Variants in PPP2R2D observed in about 807,000 individuals in gnomAD.
PPP2R2D encodes the protein protein phosphatase 2 regulatory subunit Bdelta.
In PPP2R2D, 9 loss-of-function variants were observed where a neutral mutation model predicts 31.1. The observed-to-expected ratio is 0.29, with a 90% CI of 0.17 to 0.51. The LOEUF (loss-of-function observed/expected upper bound fraction) is 0.51, where lower values mean the gene tolerates loss of function less well. PPP2R2D is among the 20% of genes least tolerant of loss of function. PPP2R2D has a pLI of 0.98. For synonymous variants in PPP2R2D, 179 were observed against 172.6 expected, an observed-to-expected ratio of 1.04 and a Z score of -0.29; for missense variants, 391 against 465.6, an observed-to-expected ratio of 0.84 and a Z score of 1.48.
the PPP2R2D span, chr10:131,970,865 T>TG: frequency 1.9e-6 from 3 of 1,614,206 alleles, no homozygotes; most frequent in Non-Finnish European, 2.5e-6. The surrounding 1 kb of genome is among the most constrained non-coding windows in gnomAD (Gnocchi z 4.1). Context: ...CACACTCACT[T>TG]GGGGGGAATA....
chr10:131,953,154 C>T (rs2036714633), intron 8 of PPP2R2D, among the ~76,000 whole-genome samples: 1 of 108,886 alleles, frequency 9.2e-6, no homozygotes. Context: ...CGGGGGTTCA[C>T]TGTCTTAGTG....
chr10:131,932,583 C>T (rs566674477), intron 2 of PPP2R2D, among the ~76,000 whole-genome samples: 2 of 139,938 alleles, frequency 1.4e-5, no homozygotes, highest in Admixed American at 7.9e-5. Flanking sequence ...ATGAGAATCA[C>T]TTGCACCCTG....
At chr10:131,929,710 C>T (rs1040236452) in intron 2 of PPP2R2D, among the ~76,000 whole-genome samples, 6 of 152,088 alleles carry the variant, frequency 3.9e-5, no homozygotes, top group East Asian at 1.9e-4. Flanking sequence ...CCTCCCTCCC[C>T]GCCACCACCG....
At chr10:131,926,522 A>T (rs1460959596) in intron 2 of PPP2R2D, among the ~76,000 whole-genome samples, 6 of 152,296 alleles carry the variant, frequency 3.9e-5, no homozygotes, top group Non-Finnish European at 8.8e-5. Context: ...ACAAAACATT[A>T]AAAAAGGTAG....
chr10:131,962,157 A>C (rs1554901549), downstream of PPP2R2D, among the ~76,000 whole-genome samples: 1 of 152,232 alleles, frequency 6.6e-6, no homozygotes, highest in Non-Finnish European at 1.5e-5. Flanking sequence ...CTTAAAATAC[A>C]AGACTAGCTG....
rs141311965 is a variant in PPP2R2D, at chr10:131,920,627, T to C, written c.101-13831T>C. On this transcript the variant is annotated intron_variant, in intron 2 of 8. Transcript: ENST00000455566. ...AGGAGGTACGTTTCTAACCTACTTTTGTTTATTTAAAAAATTATTGCTGGG... is the reference window on the plus strand; with the variant it reads ...AGGAGGTACGTTTCTAACCTACTTTCGTTTATTTAAAAAATTATTGCTGGG... 3.6e-3 allele frequency among the ~76,000 whole-genome samples: 542 copies of C among 152,342 alleles called. 2 individuals carry two copies. The highest frequency in any genetic ancestry group is 0.017 in the Middle Eastern group (5 of 294).
At chr10:131,964,374 C>G (rs533177232), downstream of PPP2R2D, among the ~76,000 whole-genome samples, 1 of 152,162 alleles carries the variant, frequency 6.6e-6, no homozygotes, top group Admixed American at 6.5e-5. Flanking sequence ...TCACCACCAC[C>G]GGGACCCAGG....
chr10:131,956,643 T>G lies in PPP2R2D; in HGVS notation c.*680T>G, dbSNP rs2036805360. Reference sequence around the variant, plus strand: ...CTAACTGTTTGAGAAATGTGTGTCCTTCTTTGGCAGCGTGGGGGTATGTGT... The same window carrying G: ...CTAACTGTTTGAGAAATGTGTGTCCGTCTTTGGCAGCGTGGGGGTATGTGT... On this transcript the variant is annotated 3_prime_UTR_variant, in exon 9 of 9. Transcript: ENST00000455566. 1 of 861,034 alleles carries G rather than the reference T, an allele frequency of 1.2e-6. No individual in the cohort carries two copies. The highest frequency in any genetic ancestry group is 1.8e-5 in the African/African-American group (1 of 54,850). 53.3% of individuals were successfully genotyped at this position (861,034 alleles called of 1,614,324 possible). A position where few individuals can be genotyped will look rare whatever the true frequency, so the allele number is the denominator to read the frequency against.
chr10:131,931,889 A>G (rs1050871000), intron 2 of PPP2R2D, among the ~76,000 whole-genome samples: 2 of 152,170 alleles, frequency 1.3e-5, no homozygotes, highest in African/African-American at 2.4e-5. Flanking sequence ...TCTGAGGAAC[A>G]AGAAACTGTG....
chr10:131,971,023 A>T, the PPP2R2D span: 1 of 1,533,192 alleles, frequency 6.5e-7, no homozygotes, highest in Non-Finnish European at 8.9e-7. Context: ...GTGACACGGG[A>T]AAGCACCCAG....
At chr10:131,906,933 C>T (rs1189666540) in intron 2 of PPP2R2D, among the ~76,000 whole-genome samples, 1 of 151,220 alleles carries the variant, frequency 6.6e-6, no homozygotes, top group Non-Finnish European at 1.5e-5. Flanking sequence ...AGAGTGAGAC[C>T]TTGTCTCAGA....
chr10:131,934,637 TTCTCATTG>T, intron 3 of PPP2R2D, 82 bp downstream of exon 3: 1 of 725,634 alleles, frequency 1.4e-6, no homozygotes, highest in Non-Finnish European at 2.6e-6. Flanking sequence ...CAAAATTATT[TTCTCATTG>T]TCTCATTTCA....
At chr10:131,932,276 A>G (rs1302680265) in intron 2 of PPP2R2D, among the ~76,000 whole-genome samples, 12 of 152,266 alleles carry the variant, frequency 7.9e-5, no homozygotes, top group Non-Finnish European at 1.6e-4. Context: ...CGATGTCTCC[A>G]TGGGATGGCC....
rs1554899920 is a variant in PPP2R2D, at chr10:131,956,067, C to T, written c.*104C>T. Reference sequence around the variant, plus strand: ...CCGCTCCATTAAGAACAGTGACGCACCTGCTACTTCCCTTCACAGACACAG... The same window carrying T: ...CCGCTCCATTAAGAACAGTGACGCATCTGCTACTTCCCTTCACAGACACAG... On this transcript the variant is annotated 3_prime_UTR_variant, in exon 9 of 9. Transcript: ENST00000455566. The T allele has an allele frequency of 7.8e-6, 10 of 1,282,588 alleles. No homozygotes were observed. Among genetic ancestry groups the T allele is most frequent in the South Asian group, 3.0e-5 (1 of 33,322 alleles). The allele number at this position is 1,282,588 out of a possible 1,614,324, so 79.5% of individuals were successfully genotyped here.
At chr10:131,909,493 A>G (rs1390165026) in intron 2 of PPP2R2D, among the ~76,000 whole-genome samples, 1 of 152,152 alleles carries the variant, frequency 6.6e-6, no homozygotes, top group Non-Finnish European at 1.5e-5. Context: ...GCCAAATGGT[A>G]AGTATCTTAG....
intron 3 of PPP2R2D, among the ~76,000 whole-genome samples, chr10:131,937,189 G>T (rs541160865): frequency 6.6e-6 from 1 of 152,214 alleles, no homozygotes; most frequent in African/African-American, 2.4e-5. Flanking sequence ...ATAGAGGCCC[G>T]TTGGGAAGCT....
chr10:131,916,548 C>T (rs1289518513), intron 2 of PPP2R2D, among the ~76,000 whole-genome samples: 1 of 152,146 alleles, frequency 6.6e-6, no homozygotes, highest in Non-Finnish European at 1.5e-5. Flanking sequence ...TTCTCCCCTT[C>T]CCCGGCCCCT....
chr10:131,923,941 A>G (rs1320679143), intron 2 of PPP2R2D, among the ~76,000 whole-genome samples: 6 of 151,964 alleles, frequency 3.9e-5, no homozygotes, highest in African/African-American at 7.3e-5. Context: ...AAAATTTTTG[A>G]TAGAGATTGG....
chr10:131,909,084 T>A (rs2035642950), intron 2 of PPP2R2D, among the ~76,000 whole-genome samples: 1 of 151,982 alleles, frequency 6.6e-6, no homozygotes, highest in Non-Finnish European at 1.5e-5. Flanking sequence ...GGGGAGGACA[T>A]CAGGGTATAA....
Sources: gnomAD v4.1 joint callset for allele counts (sites outside exome capture counted in the v4.1 genomes callset) on GRCh38, gnomAD v4.1.1 for gene constraint, Gnocchi (gnomAD v3.1) non-coding constraint, MANE v1.5 for transcripts, NCBI Gene and HGNC (gene_info 2026-07-23, HGNC 2026-07-21) for gene names.